CLASP1: variants seen among roughly 807,000 people sequenced by gnomAD.
The protein encoded by CLASP1 is CLIP-associating protein 1.
CLASP1 carries 38 observed loss-of-function variants against 192.3 expected under a neutral mutation model. The observed-to-expected ratio is 0.20, with a 90% CI of 0.15 to 0.26. The LOEUF (loss-of-function observed/expected upper bound fraction) is 0.26. Ranked by LOEUF, CLASP1 falls within the 10% of genes least tolerant of loss-of-function variation. CLASP1 has a pLI of 1.00. For synonymous variants in CLASP1, 691 were observed against 712.8 expected (o/e 0.97, Z 0.49); for missense variants, 1,433 against 1,932.5 (o/e 0.74, Z 4.85).
At chr2:121,648,827 C>A (rs1193122003) in intron 1 of CLASP1, among the ~76,000 whole-genome samples, 3 of 152,258 alleles carry the variant, frequency 2.0e-5, no homozygotes, top group African/African-American at 7.2e-5. Context: ...TCAAGCCGGC[C>A]GCTCCGCTCG....
At chr2:121,604,439 C>T (rs957257468) in intron 2 of CLASP1, among the ~76,000 whole-genome samples, 3 of 152,226 alleles carry the variant, frequency 2.0e-5, no homozygotes, top group East Asian at 1.9e-4. Context: ...GAGGAGGAGG[C>T]GGGTGGCTTG....
At chr2:121,347,387 G>A (rs1169354367) in intron 38 of CLASP1, among the ~76,000 whole-genome samples, 1 of 152,188 alleles carries the variant, frequency 6.6e-6, no homozygotes, top group African/African-American at 2.4e-5. Flanking sequence ...GGAGGGTGGA[G>A]AGTCCCAGAC....
chr2:121,495,594 G>A (rs2093498776), intron 8 of CLASP1, among the ~76,000 whole-genome samples: 1 of 152,132 alleles, frequency 6.6e-6, no homozygotes, highest in South Asian at 2.1e-4. Flanking sequence ...CAGGGAGGCG[G>A]AGGTTGCGGT....
At chr2:121,577,762 G>C (rs1308347131) in intron 2 of CLASP1, among the ~76,000 whole-genome samples, 1 of 152,066 alleles carries the variant, frequency 6.6e-6, no homozygotes, top group African/African-American at 2.4e-5. Flanking sequence ...ACAAGATCTG[G>C]CATATAACTA....
chr2:121,531,036 G>C (rs138830428), intron 2 of CLASP1: 13 of 699,510 alleles, frequency 1.9e-5, no homozygotes, highest in Middle Eastern at 3.7e-4. Context: ...AGACTTATCA[G>C]TTCAAACAGC....
chr2:121,438,204 C>A (rs949488986), intron 19 of CLASP1, among the ~76,000 whole-genome samples: 2 of 152,282 alleles, frequency 1.3e-5, no homozygotes, highest in Non-Finnish European at 2.9e-5. Context: ...CTGGCAGGCA[C>A]CCTTGGGGGC....
At chr2:121,551,066 T>G (rs1423026148) in intron 2 of CLASP1, among the ~76,000 whole-genome samples, 2 of 152,208 alleles carry the variant, frequency 1.3e-5, no homozygotes, top group Non-Finnish European at 2.9e-5. Context: ...TGGTTCAACA[T>G]ACGCAAATCA....
exon 19 of CLASP1, chr2:121,447,484 C>G (rs760269462): frequency 3.2e-6 from 5 of 1,554,230 alleles, no homozygotes; most frequent in African/African-American, 2.7e-5. Flanking sequence ...GTCGTTGACA[C>G]AGATTTGGTA....
chr2:121,352,598 C>CA (rs1208118167), intron 37 of CLASP1, among the ~76,000 whole-genome samples: 1 of 152,096 alleles, frequency 6.6e-6, no homozygotes, highest in African/African-American at 2.4e-5. Context: ...AATCCTCTGG[C>CA]AAAAAACTTC....
intron 2 of CLASP1, among the ~76,000 whole-genome samples, chr2:121,599,032 C>T (rs7566550): frequency 0.23 from 34,881 of 151,654 alleles, 6,006 homozygotes; most frequent in African/African-American, 0.48. Context: ...GCCCGGCTGA[C>T]TTTTGTATTT....
intron 19 of CLASP1, among the ~76,000 whole-genome samples, chr2:121,433,325 GAAAA>G (rs1312953084): frequency 1.1e-5 from 1 of 93,656 alleles, no homozygotes; most frequent in Non-Finnish European, 2.3e-5. Context: ...GTCTAAAAAA[GAAAA>G]AAAAAAAAAA....
intron 20 of CLASP1, among the ~76,000 whole-genome samples, chr2:121,428,279 G>C (rs531754850): frequency 2.2e-4 from 34 of 152,280 alleles, no homozygotes; most frequent in Admixed American, 3.3e-4. Flanking sequence ...CCTAGCTGGG[G>C]CAGGGAACCC....
intron 16 of CLASP1, among the ~76,000 whole-genome samples, chr2:121,450,511 A>T (rs1005994764): frequency 5.3e-5 from 8 of 152,174 alleles, no homozygotes; most frequent in Non-Finnish European, 1.2e-4. Context: ...CACACCAAGG[A>T]ACCACAGATG....
intron 8 of CLASP1, among the ~76,000 whole-genome samples, chr2:121,488,024 A>AT (rs1002057882): frequency 1.3e-4 from 20 of 151,508 alleles, no homozygotes; most frequent in African/African-American, 4.4e-4. Context: ...TTTTTCTTTG[A>AT]TTTTTTCAAC....
At chr2:121,448,346 T>G in intron 17 of CLASP1, 21 bp from the exon 18 acceptor site, 1 of 1,551,362 alleles carries the variant, frequency 6.4e-7, no homozygotes. Flanking sequence ...AGATGTATAT[T>G]ATTTATTACA....
At chr2:121,417,725 G>A (rs1255779210) in intron 23 of CLASP1, among the ~76,000 whole-genome samples, 1 of 152,204 alleles carries the variant, frequency 6.6e-6, no homozygotes, top group Non-Finnish European at 1.5e-5. Context: ...TACCGACACT[G>A]ATTAGGGAAA....
intron 9 of CLASP1, among the ~76,000 whole-genome samples, chr2:121,466,686 T>A (rs2089654166): frequency 6.6e-6 from 1 of 152,206 alleles, no homozygotes; most frequent in South Asian, 2.1e-4. Flanking sequence ...CCAAACTGTC[T>A]ACATTAGGGG....
rs528871491 is a variant in CLASP1 at position 121,394,726 on chromosome 2, A to G, written c.3123+2414T>C. On this transcript the variant is annotated intron_variant, in intron 30 of 39. Coordinates refer to ENST00000263710, the Ensembl canonical transcript of CLASP1. Reference sequence around the variant, plus strand: ...GAAACCCCTTCTCTACTAAAAATACAAAAATTAGCCGGGCATGGTGGTATG... The same window carrying G: ...GAAACCCCTTCTCTACTAAAAATACGAAAATTAGCCGGGCATGGTGGTATG... Among the ~76,000 whole-genome samples, 12 of 152,224 alleles carry G rather than the reference A, an allele frequency of 7.9e-5. 1 individual carries two copies. The East Asian group carries it at 2.3e-3, about 30-fold the overall frequency.
At position 121,382,710 on chromosome 2, in the gene CLASP1, C is replaced by T. The variant is rs114881796; in HGVS notation, c.3375-386G>A. 4.9e-3 allele frequency among the ~76,000 whole-genome samples: 748 copies of T among 152,286 alleles called. 9 individuals are homozygous for T. Among genetic ancestry groups the T allele is most frequent in the African/African-American group, 0.017 (725 of 41,548 alleles). ...TATGGATGCTCACTTTCAGTTAACT[C>T]ATCAGTTATTTTAGAAAGAACCAAA... On this transcript the variant is annotated intron_variant, in intron 32 of 39. Transcript: ENST00000263710.
Sources: allele counts gnomAD v4.1 joint callset (sites outside exome capture counted in the v4.1 genomes callset), GRCh38; gene constraint gnomAD v4.1.1; transcripts MANE v1.5; gene names NCBI Gene and HGNC (gene_info 2026-07-23, HGNC 2026-07-21).